Variants in PTP4A1 observed in about 807,000 individuals in gnomAD.
PTP4A1 encodes protein tyrosine phosphatase type IVA 1.
Under a neutral mutation model 20.5 loss-of-function variants are expected in PTP4A1, and 9 were observed. The observed-to-expected ratio is 0.44, with a 90% CI of 0.26 to 0.77. PTP4A1 has a LOEUF of 0.77. Among genes scored for constraint, PTP4A1 ranks in the 30% least tolerant of loss-of-function variants. PTP4A1 has a pLI of 0.19. For missense variants in PTP4A1, 137 were observed against 218.8 expected, an observed-to-expected ratio of 0.63 and a Z score of 2.36; for synonymous variants, 78 against 67.4, an observed-to-expected ratio of 1.16 and a Z score of -0.77.
intron 2 of PTP4A1, among the ~76,000 whole-genome samples, chr6:63,531,476 A>C (rs918843881): frequency 2.0e-5 from 3 of 151,582 alleles, no homozygotes; most frequent in Admixed American, 1.3e-4. Flanking sequence ...AGATAATGTA[A>C]TATTTGTATT....
upstream of PTP4A1, among the ~76,000 whole-genome samples, chr6:63,567,527 TGCTAAACA>T (rs1777242939): frequency 6.6e-6 from 1 of 152,360 alleles, no homozygotes; most frequent in Admixed American, 6.5e-5. Flanking sequence ...TAGTGAGCCA[TGCTAAACA>T]GATGTGCTGT....
At chr6:63,559,516 G>A (rs1010632258) in intron 3 of PTP4A1, among the ~76,000 whole-genome samples, 2 of 152,164 alleles carry the variant, frequency 1.3e-5, no homozygotes, top group African/African-American at 4.8e-5. Flanking sequence ...GGAGGCCGAG[G>A]TGGGCGGATC....
intron 1 of PTP4A1, among the ~76,000 whole-genome samples, chr6:63,525,443 C>T (rs1775119228): frequency 6.6e-6 from 1 of 152,240 alleles, no homozygotes; most frequent in Admixed American, 6.5e-5. Context: ...TATCACCTAG[C>T]TGTGGTTCTT....
intron 2 of PTP4A1, among the ~76,000 whole-genome samples, chr6:63,542,512 C>A (rs1776025742): frequency 6.6e-6 from 1 of 152,112 alleles, no homozygotes; most frequent in East Asian, 1.9e-4. Flanking sequence ...CAAAACTTTT[C>A]AAGAGTCCAA....
At chr6:63,551,452 T>C (rs1776436711) in intron 3 of PTP4A1, among the ~76,000 whole-genome samples, 1 of 152,230 alleles carries the variant, frequency 6.6e-6, no homozygotes, top group South Asian at 2.1e-4. Flanking sequence ...AAATAGTCAC[T>C]ATATGCATTT....
chr6:63,543,689 G>T (rs1191644230), intron 2 of PTP4A1, among the ~76,000 whole-genome samples: 1 of 152,150 alleles, frequency 6.6e-6, no homozygotes, highest in East Asian at 1.9e-4. Context: ...CAATATTTGA[G>T]AAATAAACCC....
At chr6:63,537,064 A>C (rs1458574924) in intron 2 of PTP4A1, among the ~76,000 whole-genome samples, 2 of 152,120 alleles carry the variant, frequency 1.3e-5, no homozygotes, top group African/African-American at 2.4e-5. Context: ...TTAAATTAAA[A>C]TTAAATTAAA....
chr6:63,541,265 T>C (rs552987085), intron 2 of PTP4A1, among the ~76,000 whole-genome samples: 38 of 152,152 alleles, frequency 2.5e-4, no homozygotes, highest in African/African-American at 9.2e-4. Flanking sequence ...GCCAGGTATC[T>C]TAGCTAGATT....
intron 1 of PTP4A1, among the ~76,000 whole-genome samples, chr6:63,526,837 T>TATATATATATATC (rs1562111525): frequency 1.1e-5 from 1 of 87,734 alleles, no homozygotes; most frequent in Non-Finnish European, 2.4e-5. Flanking sequence ...ATATATATAT[T>TATATATATATATC]TATTTATTTA....
At chr6:63,571,346 C>CT (rs1449869262), upstream of PTP4A1, 1 of 152,158 alleles carries the variant, frequency 6.6e-6, no homozygotes, top group African/African-American at 2.4e-5. Flanking sequence ...AAACAAAAGG[C>CT]TTCAGTGTTA....
At chr6:63,537,747 T>C (rs750252549) in intron 2 of PTP4A1, among the ~76,000 whole-genome samples, 1 of 152,076 alleles carries the variant, frequency 6.6e-6, no homozygotes, top group East Asian at 1.9e-4. Flanking sequence ...CCTGAGGAAA[T>C]AGGGACCCTA....
intron 3 of PTP4A1, among the ~76,000 whole-genome samples, chr6:63,558,523 AC>A (rs1385356314): frequency 6.6e-6 from 1 of 152,152 alleles, no homozygotes; most frequent in African/African-American, 2.4e-5. Context: ...TCTCATGATA[AC>A]AGTAAAATGA....
At chr6:63,533,262 T>G in intron 2 of PTP4A1, among the ~76,000 whole-genome samples, 1 of 152,096 alleles carries the variant, frequency 6.6e-6, no homozygotes, top group East Asian at 1.9e-4. Flanking sequence ...CACACCTGTT[T>G]TCTCAGCTAC....
At chr6:63,568,847 T>A (rs1581942892), upstream of PTP4A1, among the ~76,000 whole-genome samples, 1 of 152,148 alleles carries the variant, frequency 6.6e-6, no homozygotes, top group East Asian at 1.9e-4. Context: ...AGGACTCTTG[T>A]TAAATATGGG....
upstream of PTP4A1, among the ~76,000 whole-genome samples, chr6:63,519,789 A>T (rs1473394751): frequency 6.6e-6 from 1 of 152,244 alleles, no homozygotes; most frequent in Non-Finnish European, 1.5e-5. Context: ...TTGCAAATAA[A>T]CCAATAAGAA....
upstream of PTP4A1, among the ~76,000 whole-genome samples, chr6:63,568,644 A>C (rs926652450): frequency 2.0e-5 from 3 of 151,404 alleles, no homozygotes; most frequent in Admixed American, 2.0e-4. Context: ...AGCTGTCACA[A>C]ACCATCATTT....
Position 63,544,659 on chromosome 6 carries a change from T to A in PTP4A1, c.-639-5641T>A, listed in dbSNP as rs2758246. Among the ~76,000 whole-genome samples, 413 of 152,284 alleles carry A rather than the reference T, an allele frequency of 2.7e-3. 1 individual carries two copies. Among genetic ancestry groups the A allele is most frequent in the African/African-American group, 9.5e-3 (393 of 41,566 alleles). ...TTATCTTCTATATGACCTTGACGTT[T>A]CTGATTAGTACAAGCCAATTATACC... On this transcript the variant is annotated intron_variant, in intron 2 of 3. Coordinates refer to the PTP4A1 transcript ENST00000639568.
chr6:63,547,806 C>G (rs887405723), intron 2 of PTP4A1, among the ~76,000 whole-genome samples: 1 of 152,126 alleles, frequency 6.6e-6, no homozygotes, highest in African/African-American at 2.4e-5. Context: ...CCACTGCGCC[C>G]GGCCCAGGGG....
intron 3 of PTP4A1, among the ~76,000 whole-genome samples, chr6:63,563,465 T>G (rs1777053234): frequency 6.6e-6 from 1 of 152,224 alleles, no homozygotes; most frequent in African/African-American, 2.4e-5. Flanking sequence ...TCTCATCATT[T>G]AGATCTGGAT....
Sources: gnomAD v4.1 joint callset for allele counts (sites outside exome capture counted in the v4.1 genomes callset) on GRCh38, gnomAD v4.1.1 for gene constraint, MANE v1.5 for transcripts, NCBI Gene and HGNC (gene_info 2026-07-23, HGNC 2026-07-21) for gene names.